Variants in SOX5 observed in about 807,000 individuals in gnomAD.
SOX5 encodes transcription factor SOX-5.
In SOX5, 9 loss-of-function variants were observed where a neutral mutation model predicts 92.0. The ratio of observed to expected loss-of-function variants is 0.10; its 90% confidence interval spans 0.06 to 0.17. The LOEUF is 0.17. Among genes scored for constraint, SOX5 ranks in the 10% least tolerant of loss-of-function variants. The probability of loss-of-function intolerance (pLI) is 1.00; values close to 1 mark genes in which losing one functional copy is unlikely to be tolerated. For missense variants in SOX5, 642 were observed against 944.5 expected (o/e 0.68, Z 4.20); for synonymous variants, 344 against 336.3 (o/e 1.02, Z -0.25).
At chr12:23,636,718 G>A (rs2079297350) in intron 8 of SOX5, among the ~76,000 whole-genome samples, 1 of 152,104 alleles carries the variant, frequency 6.6e-6, no homozygotes, top group Admixed American at 6.6e-5. Context: ...TTTCATTATT[G>A]CAAAGCACAC....
chr12:24,141,111 A>G (rs1219158134), intron 4 of SOX5, among the ~76,000 whole-genome samples: 2 of 152,212 alleles, frequency 1.3e-5, no homozygotes, highest in Non-Finnish European at 2.9e-5. Flanking sequence ...ACACCTTCCC[A>G]AAACTTCACT....
At chr12:23,991,101 C>T (rs1361201458) in intron 4 of SOX5, among the ~76,000 whole-genome samples, 1 of 151,530 alleles carries the variant, frequency 6.6e-6, no homozygotes, top group African/African-American at 2.4e-5. Context: ...TGTCTATAAT[C>T]CCAGCACTTT....
intron 6 of SOX5, among the ~76,000 whole-genome samples, chr12:23,708,315 T>C (rs1034552395): frequency 2.0e-5 from 3 of 146,488 alleles, no homozygotes; most frequent in South Asian, 2.1e-4. Flanking sequence ...AAGGAATCCA[T>C]ATAAAAAAAA....
intron 3 of SOX5, among the ~76,000 whole-genome samples, chr12:23,792,844 A>T (rs958898871): frequency 2.0e-5 from 3 of 152,058 alleles, no homozygotes; most frequent in Admixed American, 2.0e-4. Context: ...AAAATATTTT[A>T]CTGTCCTGGA....
chr12:24,013,492 T>C (rs989657), intron 4 of SOX5, among the ~76,000 whole-genome samples: 85,118 of 152,084 alleles, frequency 0.56, 25,069 homozygotes, highest in East Asian at 0.93. Context: ...TCTGTGCCAT[T>C]GCCAAGAGTA....
At chr12:24,143,642 G>C (rs562632552) in intron 4 of SOX5, among the ~76,000 whole-genome samples, 2 of 152,218 alleles carry the variant, frequency 1.3e-5, no homozygotes, top group East Asian at 1.9e-4. Flanking sequence ...AAAAAGATTA[G>C]TGAAACTGTA....
At chr12:24,309,518 A>G (rs972162632) in intron 2 of SOX5, among the ~76,000 whole-genome samples, 3 of 151,388 alleles carry the variant, frequency 2.0e-5, no homozygotes, top group Non-Finnish European at 4.4e-5. Context: ...TTTTCTTCAG[A>G]AAAAAAAACT....
At chr12:24,248,574 G>A (rs1482194553) in intron 3 of SOX5, among the ~76,000 whole-genome samples, 5 of 152,242 alleles carry the variant, frequency 3.3e-5, no homozygotes, top group South Asian at 4.1e-4. Context: ...TAGTAGAGAC[G>A]GAGTTTTACC....
chr12:23,997,754 TTGTC>T (rs1362544505), intron 4 of SOX5, among the ~76,000 whole-genome samples: 3 of 152,172 alleles, frequency 2.0e-5, no homozygotes, highest in African/African-American at 7.2e-5. Context: ...TGACACATAA[TTGTC>T]TGACCACTAA....
At chr12:23,741,365 A>G (rs2093791086) in intron 4 of SOX5, among the ~76,000 whole-genome samples, 2 of 152,188 alleles carry the variant, frequency 1.3e-5, no homozygotes, top group Non-Finnish European at 1.5e-5. Flanking sequence ...TTACTTTATA[A>G]GTAAATTTTA....
chr12:24,536,963 A>G (rs1285227120), intron 1 of SOX5, among the ~76,000 whole-genome samples: 1 of 152,194 alleles, frequency 6.6e-6, no homozygotes, highest in Non-Finnish European at 1.5e-5. Context: ...GACAGTCATC[A>G]TGCCACACAA....
chr12:24,281,681 T>C (rs1294493609), intron 2 of SOX5, among the ~76,000 whole-genome samples: 2 of 152,146 alleles, frequency 1.3e-5, no homozygotes, highest in Admixed American at 1.3e-4. Context: ...AAATTGCCAA[T>C]CAATAAGCAA....
At chr12:24,050,105 A>AAC (rs1957423435) in intron 4 of SOX5, among the ~76,000 whole-genome samples, 2 of 151,464 alleles carry the variant, frequency 1.3e-5, no homozygotes, top group South Asian at 4.2e-4. Flanking sequence ...AAAAAAAAAA[A>AAC]AGTGAAAGGG....
At chr12:24,048,618 A>C (rs1322044961) in intron 4 of SOX5, among the ~76,000 whole-genome samples, 1 of 152,236 alleles carries the variant, frequency 6.6e-6, no homozygotes. Context: ...GATATCCATC[A>C]ACTGATAAAT....
intron 2 of SOX5, among the ~76,000 whole-genome samples, chr12:24,330,256 G>A (rs1469807086): frequency 1.3e-5 from 2 of 152,146 alleles, no homozygotes; most frequent in African/African-American, 4.8e-5. Context: ...TAAATTCCCT[G>A]TTGAGGGAAA....
chr12:23,544,687 T>G (rs1456242039), intron 12 of SOX5, among the ~76,000 whole-genome samples: 1 of 152,202 alleles, frequency 6.6e-6, no homozygotes, highest in African/African-American at 2.4e-5. Context: ...ATGATTGAAT[T>G]TAGGTAATGA....
At chr12:24,142,295 A>G (rs1319197930) in intron 4 of SOX5, among the ~76,000 whole-genome samples, 1 of 152,140 alleles carries the variant, frequency 6.6e-6, no homozygotes, top group African/African-American at 2.4e-5. Flanking sequence ...TAAATTGGAG[A>G]TAAGTGTAAC....
At chr12:24,284,851 G>A (rs557172977) in intron 2 of SOX5, among the ~76,000 whole-genome samples, 2 of 152,316 alleles carry the variant, frequency 1.3e-5, no homozygotes, top group South Asian at 2.1e-4. Context: ...CAGGCTGAGC[G>A]TGGTGGCTTA....
At chr12:24,366,453 C>T (rs2136222331) in intron 2 of SOX5, among the ~76,000 whole-genome samples, 2 of 152,256 alleles carry the variant, frequency 1.3e-5, no homozygotes, top group South Asian at 4.1e-4. Flanking sequence ...GAGGATGTTA[C>T]AGTTGAAGCA....
Sources: allele counts gnomAD v4.1 joint callset (sites outside exome capture counted in the v4.1 genomes callset), GRCh38; gene constraint gnomAD v4.1.1; transcripts MANE v1.5; gene names NCBI Gene and HGNC (gene_info 2026-07-23, HGNC 2026-07-21).